NKAIN3: variants seen among roughly 807,000 people sequenced by gnomAD.
NKAIN3 encodes sodium/potassium transporting ATPase interacting 3.
NKAIN3 carries 25 observed loss-of-function variants against 30.2 expected under a neutral mutation model. The ratio of observed to expected loss-of-function variants is 0.83; its 90% CI spans 0.60 to 1.16. The LOEUF (loss-of-function observed/expected upper bound fraction) is 1.16, where lower values mean the gene tolerates loss of function less well. Among genes scored for constraint, NKAIN3 ranks in the 50% most tolerant of loss-of-function variants. NKAIN3 has a pLI of 0.00. For missense variants in NKAIN3, 225 were observed against 254.1 expected (o/e 0.89, Z 0.78); for synonymous variants, 91 against 89.6 (o/e 1.02, Z -0.09).
intron 3 of NKAIN3, among the ~76,000 whole-genome samples, chr8:62,605,000 GT>G (rs1811080891): frequency 6.6e-6 from 1 of 152,094 alleles, no homozygotes; most frequent in African/African-American, 2.4e-5. Context: ...CTTTGTCTCT[GT>G]AGGTGTAGGT....
intron 3 of NKAIN3, among the ~76,000 whole-genome samples, chr8:62,699,826 T>C (rs1164700166): frequency 1.3e-5 from 2 of 152,186 alleles, no homozygotes; most frequent in Non-Finnish European, 2.9e-5. Flanking sequence ...AACCAATGAA[T>C]TATTACTTAG....
At chr8:62,621,033 G>C (rs1811606082) in intron 3 of NKAIN3, among the ~76,000 whole-genome samples, 1 of 152,114 alleles carries the variant, frequency 6.6e-6, no homozygotes, top group South Asian at 2.1e-4. Flanking sequence ...TGACTTCCTG[G>C]TATTGATTAA....
At chr8:62,812,557 T>A (rs1024432510) in intron 4 of NKAIN3, among the ~76,000 whole-genome samples, 1 of 151,864 alleles carries the variant, frequency 6.6e-6, no homozygotes, top group Non-Finnish European at 1.5e-5. Flanking sequence ...TATGATTCTG[T>A]GCATATTATT....
Position 62,280,158 on chromosome 8 carries a change from C to T in NKAIN3, c.54+31031C>T, listed in dbSNP as rs549396242. Among the ~76,000 whole-genome samples the T allele has an allele frequency of 1.4e-3, 151 of 106,484 alleles. 1 individual carries two copies. The South Asian group carries it at 0.032, about 22-fold the overall frequency. The allele number at this position is 106,484 out of a possible 152,430, so 69.9% of individuals were successfully genotyped here. ...GCAATTGTGAATGGGAGTTAACTCA[C>T]GATTTGGCTCTCTGTTTGTCTGTTA... On this transcript the variant is annotated intron_variant, in intron 1 of 6. Transcript: ENST00000623646.
chr8:62,910,450 G>T (rs993241703), intron 4 of NKAIN3, among the ~76,000 whole-genome samples: 31 of 152,124 alleles, frequency 2.0e-4, no homozygotes, highest in African/African-American at 7.5e-4. Context: ...AGACTAAAAA[G>T]CTTGCATTTA....
intron 4 of NKAIN3, among the ~76,000 whole-genome samples, chr8:62,882,002 T>C (rs996903868): frequency 6.6e-6 from 1 of 152,244 alleles, no homozygotes; most frequent in Admixed American, 6.5e-5. Flanking sequence ...TAGTGACATA[T>C]GATGTTGAAC....
chr8:62,380,220 AAG>A (rs1290372836), intron 1 of NKAIN3, among the ~76,000 whole-genome samples: 1 of 152,204 alleles, frequency 6.6e-6, no homozygotes, highest in Admixed American at 6.5e-5. Flanking sequence ...CTGTTATGAG[AAG>A]AGTTTTAAAT....
At chr8:62,669,637 G>T (rs1011176733) in intron 3 of NKAIN3, among the ~76,000 whole-genome samples, 2 of 152,106 alleles carry the variant, frequency 1.3e-5, no homozygotes, top group Non-Finnish European at 1.5e-5. Flanking sequence ...TTATGTCAAA[G>T]ACCTAAGTGG....
chr8:62,529,373 CT>C (rs1173039679), intron 1 of NKAIN3, among the ~76,000 whole-genome samples: 1 of 152,070 alleles, frequency 6.6e-6, no homozygotes, highest in Non-Finnish European at 1.5e-5. Context: ...TTGAATGAAT[CT>C]TTTTTTCCTC....
intron 3 of NKAIN3, among the ~76,000 whole-genome samples, chr8:62,730,013 A>T (rs1815417357): frequency 6.6e-6 from 1 of 152,234 alleles, no homozygotes; most frequent in African/African-American, 2.4e-5. Context: ...AGTGAACAAC[A>T]TGCCACGTTT....
intron 2 of NKAIN3, among the ~76,000 whole-genome samples, chr8:62,587,888 A>G (rs1810528307): frequency 6.6e-6 from 1 of 152,010 alleles, no homozygotes; most frequent in Non-Finnish European, 1.5e-5. Context: ...AATATACTTC[A>G]ATCACCAAGT....
intron 1 of NKAIN3, among the ~76,000 whole-genome samples, chr8:62,553,424 A>G (rs180959671): frequency 1.3e-5 from 2 of 152,206 alleles, no homozygotes; most frequent in Non-Finnish European, 2.9e-5. Flanking sequence ...TGCTATAAAA[A>G]TAGAAGCTGA....
At chr8:62,571,227 C>G (rs2130020482) in intron 1 of NKAIN3, among the ~76,000 whole-genome samples, 1 of 151,844 alleles carries the variant, frequency 6.6e-6, no homozygotes, top group African/African-American at 2.4e-5. Context: ...CCTCTGCCTC[C>G]CAGGTTTAAG....
intron 4 of NKAIN3, among the ~76,000 whole-genome samples, chr8:62,834,752 A>G (rs539490046): frequency 6.6e-6 from 1 of 152,188 alleles, no homozygotes; most frequent in East Asian, 1.9e-4. Context: ...AAAAGACCAT[A>G]CTGCCCAAAG....
chr8:62,810,644 T>TG (rs1169109136), intron 4 of NKAIN3, among the ~76,000 whole-genome samples: 4 of 151,276 alleles, frequency 2.6e-5, no homozygotes, highest in South Asian at 4.2e-4. Context: ...GAAAGTTTTT[T>TG]TTTTTTTTTT....
At chr8:62,450,614 T>A (rs147965423) in intron 1 of NKAIN3, among the ~76,000 whole-genome samples, 1 of 152,184 alleles carries the variant, frequency 6.6e-6, no homozygotes, top group Non-Finnish European at 1.5e-5. Context: ...AGAACAGAGG[T>A]TCAGAAAACT....
At chr8:62,985,646 C>T (rs192271568), downstream of NKAIN3, among the ~76,000 whole-genome samples, 5 of 152,224 alleles carry the variant, frequency 3.3e-5, no homozygotes, top group Non-Finnish European at 5.9e-5. Flanking sequence ...AACATCTGAC[C>T]TGAGTCATTT....
intron 1 of NKAIN3, among the ~76,000 whole-genome samples, chr8:62,322,841 C>G (rs987586653): frequency 1.3e-5 from 2 of 152,110 alleles, no homozygotes; most frequent in Admixed American, 1.3e-4. Context: ...TCTGAAAACT[C>G]AACAATGGGA....
intron 1 of NKAIN3, among the ~76,000 whole-genome samples, chr8:62,489,839 C>T (rs1032275991): frequency 2.6e-5 from 4 of 152,094 alleles, no homozygotes; most frequent in Non-Finnish European, 4.4e-5. Context: ...GAGCAGTGAC[C>T]TTCACCAAGG....
Sources: gnomAD v4.1 joint callset for allele counts (sites outside exome capture counted in the v4.1 genomes callset) on GRCh38, gnomAD v4.1.1 for gene constraint, MANE v1.5 for transcripts, NCBI Gene and HGNC (gene_info 2026-07-23, HGNC 2026-07-21) for gene names.